Variants in CLEC17A observed in about 807,000 individuals in gnomAD.
CLEC17A encodes C-type lectin domain containing 17A, also known as C-type lectin domain family 17, member A.
In CLEC17A, 37 loss-of-function variants were observed where a neutral mutation model predicts 61.3. The ratio of observed to expected loss-of-function variants is 0.60; its 90% confidence interval spans 0.46 to 0.79. The LOEUF is 0.79. Among genes scored for constraint, CLEC17A ranks in the 30% least tolerant of loss-of-function variants. The probability of loss-of-function intolerance (pLI) is 0.00; values close to 1 mark genes in which losing one functional copy is unlikely to be tolerated. For synonymous variants in CLEC17A, 168 were observed against 164.9 expected, an observed-to-expected ratio of 1.02 and a Z score of -0.14; for missense variants, 418 against 464.7, an observed-to-expected ratio of 0.90 and a Z score of 0.92.
At chr19:14,602,533 A>T (rs894759433) in intron 12 of CLEC17A, among the ~76,000 whole-genome samples, 5 of 151,072 alleles carry the variant, frequency 3.3e-5, no homozygotes, top group Non-Finnish European at 5.9e-5. Context: ...ACCTCAAGTG[A>T]TCTGCCGCCT....
chr19:14,589,345 C>G (rs1213828544), intron 3 of CLEC17A, among the ~76,000 whole-genome samples: 1 of 130,502 alleles, frequency 7.7e-6, no homozygotes, highest in Non-Finnish European at 1.5e-5. Context: ...CATCCCTTCC[C>G]CTTTCAATCA....
At chr19:14,601,425 T>A (rs556178728) in intron 12 of CLEC17A, among the ~76,000 whole-genome samples, 1 of 152,334 alleles carries the variant, frequency 6.6e-6, no homozygotes, top group East Asian at 1.9e-4. Flanking sequence ...GATTTGCTAC[T>A]ACAATTTAGG....
chr19:14,602,279 G>A (rs13343942), intron 12 of CLEC17A, among the ~76,000 whole-genome samples: 29,180 of 151,618 alleles, frequency 0.19, 3,072 homozygotes, highest in Non-Finnish European at 0.22. Flanking sequence ...TTTAATTGGT[G>A]TTTTCATTTA....
intron 3 of CLEC17A, among the ~76,000 whole-genome samples, chr19:14,590,986 C>T (rs71334727): frequency 6.6e-6 from 1 of 151,926 alleles, no homozygotes; most frequent in African/African-American, 2.4e-5. Flanking sequence ...GCATGAGCCA[C>T]TGCGCCCAGC....
intron 8 of CLEC17A, among the ~76,000 whole-genome samples, chr19:14,595,910 G>A (rs988962427): frequency 5.5e-5 from 1 of 18,294 alleles, no homozygotes; most frequent in South Asian, 1.6e-3. Context: ...GGTAGTGATG[G>A]TGTTGGTGGT....
intron 8 of CLEC17A, among the ~76,000 whole-genome samples, chr19:14,596,021 T>TTGGTAGACATGA (rs2074543067): frequency 6.7e-6 from 1 of 149,068 alleles, no homozygotes; most frequent in Non-Finnish European, 1.5e-5. Flanking sequence ...AGTGATGGTG[T>TTGGTAGACATGA]TGGTGATGAC....
At chr19:14,603,935 G>C (rs2074788139) in intron 12 of CLEC17A, among the ~76,000 whole-genome samples, 1 of 152,174 alleles carries the variant, frequency 6.6e-6, no homozygotes, top group South Asian at 2.1e-4. Context: ...CTCTCTAAAT[G>C]TTAAAGAGTC....
chr19:14,607,544 TA>T (rs1177605555), intron 13 of CLEC17A, among the ~76,000 whole-genome samples: 13 of 143,186 alleles, frequency 9.1e-5, no homozygotes, highest in African/African-American at 3.5e-4. Flanking sequence ...TGTTTTATTT[TA>T]TTTTATTATT....
At chr19:14,600,743 GGC>G (rs1413885615) in intron 12 of CLEC17A, among the ~76,000 whole-genome samples, 31 of 151,356 alleles carry the variant, frequency 2.0e-4, no homozygotes, top group Middle Eastern at 3.4e-3. Flanking sequence ...CACCACGCCC[GGC>G]TAATTTTGTT....
At chr19:14,594,280 A>T (rs568373181) in intron 4 of CLEC17A, among the ~76,000 whole-genome samples, 3 of 152,252 alleles carry the variant, frequency 2.0e-5, no homozygotes, top group Admixed American at 2.0e-4. Flanking sequence ...CTGTCTCAAA[A>T]AATATAAAAT....
At chr19:14,600,825 G>A (rs1367990338) in intron 12 of CLEC17A, among the ~76,000 whole-genome samples, 1 of 149,054 alleles carries the variant, frequency 6.7e-6, no homozygotes, top group Non-Finnish European at 1.5e-5. Flanking sequence ...TCCTGACCTC[G>A]TGATCTGCCC....
intron 2 of CLEC17A, 51 bp from the exon 3 acceptor site, chr19:14,587,563 G>A: frequency 6.6e-7 from 1 of 1,520,656 alleles, no homozygotes; most frequent in African/African-American, 1.4e-5. Context: ...GGGCTTGAGG[G>A]ATGGAGGGAG....
intron 12 of CLEC17A, among the ~76,000 whole-genome samples, chr19:14,604,018 A>C (rs924046522): frequency 6.6e-6 from 1 of 152,150 alleles, no homozygotes; most frequent in African/African-American, 2.4e-5. Context: ...CCATCAGCAA[A>C]GCCTTTTGGG....
chr19:14,591,758 T>A (rs532608471), intron 3 of CLEC17A, among the ~76,000 whole-genome samples: 2 of 151,716 alleles, frequency 1.3e-5, no homozygotes, highest in Non-Finnish European at 2.9e-5. Context: ...TTCGCCATGT[T>A]GGTTGCCCAG....
At chr19:14,600,234 C>T in intron 12 of CLEC17A, 52 bp downstream of exon 12, 5 of 1,595,954 alleles carry the variant, frequency 3.1e-6, no homozygotes, top group Non-Finnish European at 4.3e-6. Context: ...GCCTGCTTCT[C>T]TTCCAGGATG....
At chr19:14,592,405 G>A (rs1473762713) in intron 4 of CLEC17A, 47 bp downstream of exon 4, 2 of 1,610,344 alleles carry the variant, frequency 1.2e-6, no homozygotes, top group South Asian at 1.1e-5. Flanking sequence ...CAGGGAACAG[G>A]GTTTCCAGGA....
chr19:14,581,434 CT>C (rs1331428143), upstream of CLEC17A, among the ~76,000 whole-genome samples: 2 of 152,116 alleles, frequency 1.3e-5, no homozygotes, highest in African/African-American at 4.8e-5. Flanking sequence ...AGCGATTCTT[CT>C]GCCGCAGCCA....
intron 2 of CLEC17A, chr19:14,584,079 A>AG (rs142121910): frequency 3.7e-4 from 55 of 147,180 alleles, no homozygotes; most frequent in African/African-American, 1.4e-3. Flanking sequence ...AAAAAAAAAA[A>AG]AAAATAGAGG....
At chr19:14,582,081 C>G (rs2074188429), upstream of CLEC17A, among the ~76,000 whole-genome samples, 1 of 152,230 alleles carries the variant, frequency 6.6e-6, no homozygotes, top group African/African-American at 2.4e-5. Context: ...CTGTTTCCAG[C>G]CTCTGCAGTT....
Sources: gnomAD v4.1 joint callset for allele counts (sites outside exome capture counted in the v4.1 genomes callset) on GRCh38, gnomAD v4.1.1 for gene constraint, MANE v1.5 for transcripts, NCBI Gene and HGNC (gene_info 2026-07-23, HGNC 2026-07-21) for gene names.